LINC00305: variants seen among roughly 807,000 people sequenced by gnomAD.
LINC00305 encodes long intergenic non-protein coding RNA 305.
chr18:64,090,976 A>G (rs1181698545), intron 3 of LINC00305, among the ~76,000 whole-genome samples: 3 of 152,174 alleles, frequency 2.0e-5, no homozygotes, highest in South Asian at 2.1e-4. Context: ...GCATTTACCA[A>G]CACTTTCTGC....
intron 1 of LINC00305, chr18:64,127,399 C>T (rs1365961909): frequency 6.6e-6 from 1 of 152,078 alleles, no homozygotes; most frequent in Non-Finnish European, 1.5e-5. Flanking sequence ...AACTCTGAGG[C>T]TTTCAGGGAC....
At chr18:64,131,856 A>G (rs1438536387) in intron 1 of LINC00305, among the ~76,000 whole-genome samples, 2 of 152,180 alleles carry the variant, frequency 1.3e-5, no homozygotes, top group African/African-American at 4.8e-5. Flanking sequence ...GTGTCATCAG[A>G]AATGGGGACT....
At chr18:64,092,189 A>G (rs1336024143) in intron 3 of LINC00305, among the ~76,000 whole-genome samples, 1 of 152,032 alleles carries the variant, frequency 6.6e-6, no homozygotes, top group Non-Finnish European at 1.5e-5. Context: ...TGCCTTTTCT[A>G]GTTTCATGTT....
At chr18:64,132,377 A>G (rs2051413484) in intron 1 of LINC00305, among the ~76,000 whole-genome samples, 1 of 152,206 alleles carries the variant, frequency 6.6e-6, no homozygotes, top group Non-Finnish European at 1.5e-5. Context: ...CCTTATGTCT[A>G]TATGTGTGTG....
chr18:64,120,549 A>C (rs1387993513), intron 1 of LINC00305, among the ~76,000 whole-genome samples: 1 of 111,946 alleles, frequency 8.9e-6, no homozygotes, highest in Non-Finnish European at 2.1e-5. Context: ...TTTTGGCGCT[A>C]ACTTTCTCTT....
At chr18:64,140,739 G>A (rs867380942) in intron 1 of LINC00305, among the ~76,000 whole-genome samples, 1 of 152,222 alleles carries the variant, frequency 6.6e-6, no homozygotes, top group East Asian at 1.9e-4. Context: ...TGCAGATGGC[G>A]TTAAGGTTGC....
intron 3 of LINC00305, among the ~76,000 whole-genome samples, chr18:64,092,201 T>C (rs1467428137): frequency 6.6e-6 from 1 of 152,252 alleles, no homozygotes; most frequent in Admixed American, 6.5e-5. Flanking sequence ...TTTCATGTTC[T>C]TTTCAACAGC....
At position 64,143,675 on chromosome 18, in the gene LINC00305, T is replaced by TATTATGCGTAC. The variant is rs2051480166; in HGVS notation, n.314+5099_314+5100insGTACGCATAAT. On this transcript the variant is annotated intron_variant and non_coding_transcript_variant, in intron 1 of 3. Coordinates refer to ENST00000666468, the Ensembl canonical transcript of LINC00305. ...TGTATGTACACGTATTATGTATACA[T>TATTATGCGTAC]ATGTATGTCCACATATTATGCGTAC... Among the ~76,000 whole-genome samples, 16 of 69,198 alleles carry TATTATGCGTAC rather than the reference T, an allele frequency of 2.3e-4. 2 individuals are homozygous for TATTATGCGTAC. Among genetic ancestry groups the TATTATGCGTAC allele is most frequent in the African/African-American group, 7.3e-4 (14 of 19,116 alleles). The allele number at this position is 69,198 out of a possible 152,430, so 45.4% of individuals were successfully genotyped here. A position where few individuals can be genotyped will look rare whatever the true frequency, so the allele number is the denominator to read the frequency against.
chr18:64,097,889 C>T (rs1002142552), exon 3 of LINC00305: 3 of 458,042 alleles, frequency 6.5e-6, no homozygotes, highest in African/African-American at 6.0e-5. Flanking sequence ...TCTTCTGACG[C>T]TTTGCACATT....
chr18:64,091,279 A>G (rs187386518), intron 3 of LINC00305, among the ~76,000 whole-genome samples: 33 of 152,140 alleles, frequency 2.2e-4, no homozygotes, highest in Admixed American at 1.3e-4. Context: ...TTTCCTTTGG[A>G]TCTCTCTAAA....
intron 1 of LINC00305, among the ~76,000 whole-genome samples, chr18:64,146,353 G>A (rs976893652): frequency 2.1e-4 from 32 of 152,152 alleles, no homozygotes; most frequent in African/African-American, 6.8e-4. Flanking sequence ...AACTGTAACC[G>A]TATTTTATGT....
intron 1 of LINC00305, among the ~76,000 whole-genome samples, chr18:64,135,557 C>A (rs1469090853): frequency 6.6e-6 from 1 of 152,052 alleles, no homozygotes; most frequent in East Asian, 1.9e-4. Context: ...TGCTTTCTCC[C>A]TTTGTTCCAC....
At chr18:64,117,110 T>A (rs1385467372) in intron 1 of LINC00305, among the ~76,000 whole-genome samples, 1 of 152,118 alleles carries the variant, frequency 6.6e-6, no homozygotes, top group Middle Eastern at 3.2e-3. Context: ...AAGCTTAGTG[T>A]TTTTTTGGAA....
intron 1 of LINC00305, among the ~76,000 whole-genome samples, chr18:64,121,529 C>CT (rs2144259295): frequency 6.6e-6 from 1 of 152,142 alleles, no homozygotes; most frequent in African/African-American, 2.4e-5. Flanking sequence ...TGATTTCATT[C>CT]TTTTTATGGC....
chr18:64,097,954 C>T (rs1308487502), exon 3 of LINC00305: 1 of 457,920 alleles, frequency 2.2e-6, no homozygotes, highest in South Asian at 1.5e-5. Context: ...GTTTCCATCT[C>T]CTGCTTTCCC....
At chr18:64,124,612 A>C (rs1197242272) in intron 1 of LINC00305, among the ~76,000 whole-genome samples, 1 of 152,152 alleles carries the variant, frequency 6.6e-6, no homozygotes, top group African/African-American at 2.4e-5. Context: ...AATGCTAAGA[A>C]AATGTTTGTT....
intron 1 of LINC00305, among the ~76,000 whole-genome samples, chr18:64,110,358 A>T (rs2051309786): frequency 6.6e-6 from 1 of 152,174 alleles, no homozygotes; most frequent in Non-Finnish European, 1.5e-5. Flanking sequence ...ACATACCTTA[A>T]GCTGGTATTG....
At chr18:64,103,120 A>C (rs1403460906) in intron 1 of LINC00305, among the ~76,000 whole-genome samples, 1 of 152,136 alleles carries the variant, frequency 6.6e-6, no homozygotes, top group African/African-American at 2.4e-5. Flanking sequence ...GTCACATTCT[A>C]TTTCTAGCTT....
At chr18:64,145,806 T>G (rs567861251) in intron 1 of LINC00305, among the ~76,000 whole-genome samples, 1 of 152,268 alleles carries the variant, frequency 6.6e-6, no homozygotes, top group East Asian at 1.9e-4. Flanking sequence ...AGTCTCTGGG[T>G]TTTTGTTGTT....
Sources: gnomAD v4.1 joint callset for allele counts (sites outside exome capture counted in the v4.1 genomes callset) on GRCh38, gnomAD v4.1.1 for gene constraint, MANE v1.5 for transcripts, NCBI Gene and HGNC (gene_info 2026-07-23, HGNC 2026-07-21) for gene names.